ABTB3: variants seen among roughly 807,000 people sequenced by gnomAD.
ABTB3 encodes the protein ankyrin repeat- and BTB/POZ domain-containing protein 3.
the ABTB3 span, among the ~76,000 whole-genome samples, chr12:107,637,669 A>G: frequency 1.3e-5 from 2 of 152,138 alleles, no homozygotes; most frequent in African/African-American, 2.4e-5. Context: ...GATCAGTGAC[A>G]AGGATCTCAA....
the ABTB3 span, among the ~76,000 whole-genome samples, chr12:107,348,798 G>A: frequency 6.6e-6 from 1 of 152,134 alleles, no homozygotes; most frequent in Admixed American, 6.5e-5. Context: ...AATATGGAAG[G>A]CGATTTCAGG....
chr12:107,414,656 T>G, the ABTB3 span, among the ~76,000 whole-genome samples: 4 of 152,106 alleles, frequency 2.6e-5, no homozygotes, highest in Non-Finnish European at 5.9e-5. Flanking sequence ...ACACCTCGTC[T>G]GGTCTCTGCC....
At chr12:107,634,654 G>A in the ABTB3 span, among the ~76,000 whole-genome samples, 5 of 152,186 alleles carry the variant, frequency 3.3e-5, no homozygotes, top group Non-Finnish European at 7.3e-5. Flanking sequence ...CAACGTGAAC[G>A]ATGAGGGTCA....
the ABTB3 span, among the ~76,000 whole-genome samples, chr12:107,384,756 C>A: frequency 6.6e-6 from 1 of 152,180 alleles, no homozygotes; most frequent in Non-Finnish European, 1.5e-5. Flanking sequence ...TTGAGAGAGG[C>A]CTTCCTTAGG....
chr12:107,363,073 A>C, the ABTB3 span, among the ~76,000 whole-genome samples: 30 of 152,176 alleles, frequency 2.0e-4, no homozygotes, highest in African/African-American at 7.0e-4. Flanking sequence ...AAGGGTGATA[A>C]CCCTTAAACT....
the ABTB3 span, among the ~76,000 whole-genome samples, chr12:107,582,639 G>A: frequency 8.5e-5 from 13 of 152,174 alleles, no homozygotes; most frequent in Non-Finnish European, 1.6e-4. Flanking sequence ...TCCCCGAAGC[G>A]GCATCATGAG....
the ABTB3 span, among the ~76,000 whole-genome samples, chr12:107,578,763 G>A: frequency 6.6e-5 from 10 of 152,312 alleles, no homozygotes; most frequent in Middle Eastern, 3.4e-3. Flanking sequence ...GGAGAGAATG[G>A]GAGAATGAGG....
the ABTB3 span, among the ~76,000 whole-genome samples, chr12:107,431,398 C>T: frequency 6.6e-6 from 1 of 152,168 alleles, no homozygotes; most frequent in Admixed American, 6.5e-5. Context: ...ATCATGAGGT[C>T]AGGAGTTCGA....
chr12:107,405,575 CA>C, the ABTB3 span, among the ~76,000 whole-genome samples: 1 of 152,252 alleles, frequency 6.6e-6, no homozygotes, highest in Non-Finnish European at 1.5e-5. Context: ...GTCTGCCAAG[CA>C]ATGGCAGGAG....
the ABTB3 span, among the ~76,000 whole-genome samples, chr12:107,524,387 T>C: frequency 2.2e-4 from 34 of 152,188 alleles, no homozygotes. Flanking sequence ...CTGTTCTTCA[T>C]ATTCAAAGGT....
chr12:107,456,675 C>T, the ABTB3 span, among the ~76,000 whole-genome samples: 1 of 152,040 alleles, frequency 6.6e-6, no homozygotes, highest in South Asian at 2.1e-4. Flanking sequence ...AAAACCATCC[C>T]CCTACCCCCA....
At chr12:107,616,753 A>G in the ABTB3 span, among the ~76,000 whole-genome samples, 1 of 152,222 alleles carries the variant, frequency 6.6e-6, no homozygotes, top group Non-Finnish European at 1.5e-5. Context: ...CAGTGCTTCT[A>G]GAAATGTTTA....
At chr12:107,329,883 C>A in the ABTB3 span, among the ~76,000 whole-genome samples, 24 of 152,162 alleles carry the variant, frequency 1.6e-4, no homozygotes, top group Non-Finnish European at 1.3e-4. Context: ...TTAATTTATT[C>A]ATCAAAGAAT....
At chr12:107,612,981 C>T in the ABTB3 span, 1 of 941,796 alleles carries the variant, frequency 1.1e-6, no homozygotes, top group Non-Finnish European at 1.6e-6. Flanking sequence ...CACAGTGCAA[C>T]AGATAGCTCT....
chr12:107,394,192 A>T, the ABTB3 span, among the ~76,000 whole-genome samples: 42,448 of 152,098 alleles, frequency 0.28, 6,131 homozygotes, highest in Admixed American at 0.35. Context: ...TTCTTCCAGT[A>T]GTTCTTCGAG....
chr12:107,332,516 C>T, the ABTB3 span, among the ~76,000 whole-genome samples: 1 of 152,126 alleles, frequency 6.6e-6, no homozygotes, highest in Non-Finnish European at 1.5e-5. Flanking sequence ...TGTTCCTAAC[C>T]ACCGTGCCTT....
At chr12:107,598,481 AACTCAGTG>A in the ABTB3 span, among the ~76,000 whole-genome samples, 23 of 152,330 alleles carry the variant, frequency 1.5e-4, no homozygotes, top group Admixed American at 1.0e-3. Flanking sequence ...ACCCAGCCAA[AACTCAGTG>A]ACACAGGTGA....
At chr12:107,491,508 A>G in the ABTB3 span, among the ~76,000 whole-genome samples, 2 of 152,190 alleles carry the variant, frequency 1.3e-5, no homozygotes, top group Non-Finnish European at 2.9e-5. Context: ...AGTGTGAAGG[A>G]AGGACGGGTT....
the ABTB3 span, among the ~76,000 whole-genome samples, chr12:107,441,713 G>A: frequency 1.3e-5 from 2 of 149,424 alleles, no homozygotes; most frequent in Non-Finnish European, 2.9e-5. Context: ...CAAGGTAGGA[G>A]GATCACTTGA....
Sources: allele counts gnomAD v4.1 joint callset (sites outside exome capture counted in the v4.1 genomes callset), GRCh38; gene constraint gnomAD v4.1.1; transcripts MANE v1.5; gene names NCBI Gene and HGNC (gene_info 2026-07-23, HGNC 2026-07-21).